SLC25A12: variants seen among roughly 807,000 people sequenced by gnomAD.
SLC25A12 encodes electrogenic aspartate/glutamate antiporter SLC25A12, mitochondrial.
In SLC25A12, 32 loss-of-function variants were observed where a neutral mutation model predicts 83.3. The ratio of observed to expected loss-of-function variants is 0.38; its 90% CI spans 0.29 to 0.52. The LOEUF (loss-of-function observed/expected upper bound fraction) is 0.52. SLC25A12 is among the 20% of genes least tolerant of loss of function. The probability of loss-of-function intolerance (pLI) is 0.84; values close to 1 mark genes in which losing one functional copy is unlikely to be tolerated. For missense variants in SLC25A12, 611 were observed against 835.6 expected, an observed-to-expected ratio of 0.73 and a Z score of 3.31; for synonymous variants, 267 against 291.1, an observed-to-expected ratio of 0.92 and a Z score of 0.84.
intron 5 of SLC25A12, among the ~76,000 whole-genome samples, chr2:171,839,032 T>C (rs1478648729): frequency 3.9e-5 from 6 of 152,212 alleles, no homozygotes; most frequent in African/African-American, 1.4e-4. Context: ...TCTCAGTTTA[T>C]ACAGTATAAT....
At chr2:171,785,918 C>G (rs924981928) in intron 17 of SLC25A12, among the ~76,000 whole-genome samples, 9 of 152,048 alleles carry the variant, frequency 5.9e-5, no homozygotes, top group Admixed American at 4.6e-4. Flanking sequence ...GTGTGAGCCA[C>G]CACACCCAGG....
At chr2:171,787,752 C>T in intron 16 of SLC25A12, 37 bp downstream of exon 16, 1 of 1,611,642 alleles carries the variant, frequency 6.2e-7, no homozygotes, top group South Asian at 1.1e-5. Context: ...ACGCTAGAGC[C>T]AGCCAGCCAT....
At chr2:171,848,964 T>C (rs1250692814) in intron 4 of SLC25A12, among the ~76,000 whole-genome samples, 1 of 151,734 alleles carries the variant, frequency 6.6e-6, no homozygotes, top group Non-Finnish European at 1.5e-5. Flanking sequence ...CCAAGGCAGG[T>C]GGATCACCTG....
rs748532988 is a variant in SLC25A12 at position 171,834,807 on chromosome 2, G to A, written c.671C>T (p.Ser224Leu). The change falls in exon 7 of 18, where the codon TCG becomes TTG. Residue 224 changes from serine to leucine, a missense_variant. By Grantham distance (145) the Ser-to-Leu change is moderately radical (BLOSUM62 -2). Coordinates refer to ENST00000422440, the MANE Select transcript of SLC25A12 (RefSeq NM_003705.5). ...VSFSYFNAFNSLLNNMELVRK... is the reference protein window; with the variant it reads ...VSFSYFNAFNLLLNNMELVRK... Reference sequence around the variant, plus strand: ...AACAAGCTCCATGTTATTCAGTAACGAGTTAAATGCATTGAAGTAGGAGAA... The same window carrying A: ...AACAAGCTCCATGTTATTCAGTAACAAGTTAAATGCATTGAAGTAGGAGAA... 17 of 1,613,730 alleles carry A rather than the reference G, an allele frequency of 1.1e-5. No homozygotes were observed. The highest frequency in any genetic ancestry group is 2.2e-5 in the East Asian group (1 of 44,878).
chr2:171,797,664 A>G (rs1683627317), intron 13 of SLC25A12, among the ~76,000 whole-genome samples: 1 of 152,184 alleles, frequency 6.6e-6, no homozygotes, highest in South Asian at 2.1e-4. Flanking sequence ...TATATTTTTT[A>G]AACTGGTTGG....
chr2:171,890,863 T>C (rs1013058293), intron 2 of SLC25A12, among the ~76,000 whole-genome samples: 1 of 152,212 alleles, frequency 6.6e-6, no homozygotes, highest in Non-Finnish European at 1.5e-5. Flanking sequence ...CTATCAATAA[T>C]GCTTGTGTCA....
intron 4 of SLC25A12, among the ~76,000 whole-genome samples, chr2:171,846,021 T>C (rs1331701118): frequency 1.3e-5 from 2 of 152,194 alleles, no homozygotes; most frequent in Non-Finnish European, 2.9e-5. Flanking sequence ...AACTTCGAAG[T>C]TGTAAAATAT....
At chr2:171,887,188 G>A (rs759785554) in intron 2 of SLC25A12, among the ~76,000 whole-genome samples, 1 of 152,160 alleles carries the variant, frequency 6.6e-6, no homozygotes, top group South Asian at 2.1e-4. Flanking sequence ...AAATGTTATT[G>A]TAAAAACCCT....
chr2:171,850,765 T>C (rs376236151), intron 4 of SLC25A12, among the ~76,000 whole-genome samples: 11 of 152,260 alleles, frequency 7.2e-5, no homozygotes, highest in East Asian at 5.8e-4. Context: ...CTGGCCACCA[T>C]AGAACTTCAT....
intron 4 of SLC25A12, among the ~76,000 whole-genome samples, chr2:171,854,324 T>C (rs1558932524): frequency 1.3e-5 from 2 of 152,220 alleles, no homozygotes; most frequent in East Asian, 3.9e-4. Context: ...ATCCCAGCAC[T>C]TTGGGAGGCC....
intron 3 of SLC25A12, among the ~76,000 whole-genome samples, chr2:171,867,999 C>T (rs938537406): frequency 2.2e-4 from 34 of 152,136 alleles, no homozygotes; most frequent in African/African-American, 7.0e-4. Flanking sequence ...CGCCCGTCAC[C>T]GTGTCTGGCT....
chr2:171,810,410 T>C (rs1683924603), intron 11 of SLC25A12, 134 bp from the exon 12 acceptor site: 1 of 779,488 alleles, frequency 1.3e-6, no homozygotes. Context: ...GGAAAAAGAT[T>C]ATCCTTAAAA....
intron 2 of SLC25A12, among the ~76,000 whole-genome samples, chr2:171,890,622 C>G (rs981082741): frequency 1.3e-5 from 2 of 152,152 alleles, no homozygotes; most frequent in Non-Finnish European, 2.9e-5. Context: ...GCTGGGACCA[C>G]AGATGGATGC....
chr2:171,852,697 A>G, intron 4 of SLC25A12: 1 of 455,534 alleles, frequency 2.2e-6, no homozygotes, highest in Non-Finnish European at 4.4e-6. Flanking sequence ...TCCTATAAAA[A>G]TAAACTCGAA....
intron 2 of SLC25A12, among the ~76,000 whole-genome samples, chr2:171,875,176 G>A (rs544786150): frequency 1.3e-5 from 2 of 152,212 alleles, no homozygotes; most frequent in East Asian, 3.9e-4. Flanking sequence ...GACCAATTGC[G>A]GGCCACCACT....
rs539181457 is a variant in SLC25A12 at position 171,867,636 on chromosome 2, GGGGAGA to G, written c.209+1039_209+1044del. 2.8e-3 allele frequency among the ~76,000 whole-genome samples: 425 copies of G among 151,992 alleles called. 1 individual carries two copies. The highest frequency in any genetic ancestry group is 7.4e-3 in the African/African-American group (304 of 41,352). ...GGAAAGAGAGGGAGAGGGAGACCGT[GGGGAGA>G]GGGAGAGGGAGAGGGAGAGCGCCTA... On this transcript the variant is annotated intron_variant, in intron 3 of 17. Transcript: ENST00000422440.
At chr2:171,893,083 C>T (rs1000137401) in intron 2 of SLC25A12, 122 bp downstream of exon 2, 4 of 755,540 alleles carry the variant, frequency 5.3e-6, no homozygotes, top group African/African-American at 3.5e-5. Context: ...CTATATTGTC[C>T]GGTCATGTTT....
intron 2 of SLC25A12, among the ~76,000 whole-genome samples, chr2:171,888,739 G>A (rs889939069): frequency 1.3e-5 from 2 of 151,922 alleles, no homozygotes; most frequent in South Asian, 2.1e-4. Flanking sequence ...CACCACACCC[G>A]GCCATTTTAT....
chr2:171,894,199 T>A lies in SLC25A12; in HGVS notation c.12+4A>T. 1 of 1,608,554 alleles carries A rather than the reference T, an allele frequency of 6.2e-7. No individual in the cohort carries two copies. Among genetic ancestry groups the A allele is most frequent in the East Asian group, 2.2e-5 (1 of 44,576 alleles). ...TAAAAGCAGCAGCAGAGAGTTGGAG[T>A]CACCTTGACCGCCATGCTGTGCTCG... On this transcript the variant is annotated splice_donor_region_variant and intron_variant, in intron 1 of 17. Transcript: ENST00000422440.
Sources: gnomAD v4.1 joint callset for allele counts (sites outside exome capture counted in the v4.1 genomes callset) on GRCh38, gnomAD v4.1.1 for gene constraint, MANE v1.5 for transcripts, NCBI Gene and HGNC (gene_info 2026-07-23, HGNC 2026-07-21) for gene names.